WASF1: variants seen among roughly 807,000 people sequenced by gnomAD.
The protein encoded by WASF1 is WASP family member 1, also known as actin-binding protein WASF1.
Under a neutral mutation model 50.5 loss-of-function variants are expected in WASF1, and 7 were observed. The ratio of observed to expected loss-of-function variants is 0.14; its 90% confidence interval spans 0.08 to 0.26. The LOEUF (loss-of-function observed/expected upper bound fraction) is 0.26. WASF1 is among the 10% of genes least tolerant of loss of function. The pLI, the probability that WASF1 is intolerant of heterozygous loss-of-function variation, is 1.00. For synonymous variants in WASF1, 205 were observed against 244.0 expected, an observed-to-expected ratio of 0.84 and a Z score of 1.49; for missense variants, 470 against 694.7, an observed-to-expected ratio of 0.68 and a Z score of 3.64.
At chr6:110,142,952 T>TAAAAAAAAAAAAAAAAAAAAAAA (rs5879060) in intron 3 of WASF1, among the ~76,000 whole-genome samples, 15 of 119,138 alleles carry the variant, frequency 1.3e-4, no homozygotes, top group East Asian at 5.1e-4. Context: ...CCCAATGATG[T>TAAAAAAAAAAAAAAAAAAAAAAA]AAAAAAAAAA....
chr6:110,171,279 T>G (rs1398300814), intron 2 of WASF1, among the ~76,000 whole-genome samples: 1 of 152,152 alleles, frequency 6.6e-6, no homozygotes, highest in African/African-American at 2.4e-5. Context: ...CTCAGAAAGA[T>G]AGATGGGAAA....
chr6:110,165,672 C>T (rs1383270064), intron 2 of WASF1, among the ~76,000 whole-genome samples: 1 of 151,652 alleles, frequency 6.6e-6, no homozygotes, highest in East Asian at 1.9e-4. Context: ...TATATTGTTA[C>T]ATAAAGCAAA....
At chr6:110,112,175 G>A (rs1433316571) in intron 5 of WASF1, among the ~76,000 whole-genome samples, 1 of 151,088 alleles carries the variant, frequency 6.6e-6, no homozygotes, top group Non-Finnish European at 1.5e-5. Context: ...TATTGTTAAA[G>A]TTTAGATCTA....
At chr6:110,135,608 T>A (rs960396095) in intron 3 of WASF1, among the ~76,000 whole-genome samples, 5 of 152,086 alleles carry the variant, frequency 3.3e-5, no homozygotes, top group Admixed American at 6.6e-5. Context: ...CTACCCATGA[T>A]CTTATTCTCC....
chr6:110,127,683 G>A, intron 3 of WASF1, 54 bp from the exon 4 acceptor site: 1 of 1,384,326 alleles, frequency 7.2e-7, no homozygotes, highest in African/African-American at 1.5e-5. Flanking sequence ...AACACAGAAT[G>A]AGACTTTATT....
chr6:110,106,958 T>A, intron 7 of WASF1, 119 bp downstream of exon 7: 1 of 722,822 alleles, frequency 1.4e-6, no homozygotes, highest in Admixed American at 2.9e-5. Flanking sequence ...ACTTCAGTAT[T>A]TAACTATATG....
intron 3 of WASF1, among the ~76,000 whole-genome samples, chr6:110,154,375 T>C (rs926310255): frequency 6.6e-6 from 1 of 152,088 alleles, no homozygotes; most frequent in African/African-American, 2.4e-5. Flanking sequence ...ATGAAGCAAG[T>C]AATTTATTGA....
At chr6:110,145,178 C>T (rs1775495260) in intron 3 of WASF1, among the ~76,000 whole-genome samples, 1 of 152,024 alleles carries the variant, frequency 6.6e-6, no homozygotes, top group Admixed American at 6.6e-5. Flanking sequence ...CCTTCACATC[C>T]CTTGCAAGTT....
intron 3 of WASF1, among the ~76,000 whole-genome samples, chr6:110,132,646 G>C (rs1235165838): frequency 6.6e-6 from 1 of 151,816 alleles, no homozygotes; most frequent in Non-Finnish European, 1.5e-5. Flanking sequence ...CCCAAGCAGG[G>C]AACACTGTAC....
chr6:110,133,586 G>A (rs1002729882), intron 3 of WASF1, among the ~76,000 whole-genome samples: 2 of 152,050 alleles, frequency 1.3e-5, no homozygotes, highest in Admixed American at 1.3e-4. Context: ...GGCCATTCTT[G>A]CAGGAGCAAG....
intron 4 of WASF1, among the ~76,000 whole-genome samples, chr6:110,116,789 T>A (rs1396490681): frequency 6.6e-6 from 1 of 151,996 alleles, no homozygotes; most frequent in Non-Finnish European, 1.5e-5. Context: ...AACAGACACC[T>A]CAAACAGGTG....
At chr6:110,151,863 G>A (rs1361003875) in intron 3 of WASF1, among the ~76,000 whole-genome samples, 1 of 152,094 alleles carries the variant, frequency 6.6e-6, no homozygotes, top group African/African-American at 2.4e-5. Flanking sequence ...AATCAAATCA[G>A]TGAGAAAAAT....
chr6:110,155,197 A>G (rs1253931286), intron 3 of WASF1, among the ~76,000 whole-genome samples: 2 of 152,098 alleles, frequency 1.3e-5, no homozygotes, highest in East Asian at 3.9e-4. Flanking sequence ...CAGGGCTCTT[A>G]CTAATTCAGT....
Position 110,100,768 on chromosome 6 carries a change from T to A in WASF1, c.1523-89A>T, listed in dbSNP as rs1583914194. On this transcript the variant is annotated intron_variant, in intron 10 of 10. Transcript: ENST00000392589. ...TTTCTGGAATAAAATCAAATACACA[T>A]GAGAAATACTTATAGGAAAATAAAA... is the stretch of plus-strand genomic sequence containing the variant. 3.2e-6 allele frequency: 4 copies of A among 1,260,156 alleles called. No individual in the cohort carries two copies. In the East Asian group the frequency reaches 8.4e-5, roughly 27 times the overall value. The allele number at this position is 1,260,156 out of a possible 1,614,324, so 78.1% of individuals were successfully genotyped here.
chr6:110,148,245 A>G (rs867675500), intron 3 of WASF1, among the ~76,000 whole-genome samples: 1 of 152,042 alleles, frequency 6.6e-6, no homozygotes. Context: ...CCATTCATTC[A>G]TTCATCTAAC....
chr6:110,177,347 T>A (rs1293829536), intron 2 of WASF1, among the ~76,000 whole-genome samples: 1 of 152,084 alleles, frequency 6.6e-6, no homozygotes. Flanking sequence ...GTAATAACCT[T>A]TATGTCTGCA....
At chr6:110,134,014 C>T (rs1029973749) in intron 3 of WASF1, among the ~76,000 whole-genome samples, 10 of 152,090 alleles carry the variant, frequency 6.6e-5, no homozygotes, top group South Asian at 2.1e-4. Flanking sequence ...GACAGAATCT[C>T]GCTCTGTTGC....
Position 110,124,274 on chromosome 6 carries a change from C to CTATATATA in WASF1, c.133+3187_133+3194dup, listed in dbSNP as rs35703116. 6.3e-3 allele frequency among the ~76,000 whole-genome samples: 130 copies of CTATATATA among 20,498 alleles called. 4 individuals carry two copies. The highest frequency in any genetic ancestry group is 7.1e-3 in the Non-Finnish European group (93 of 13,160). 13.4% of individuals were successfully genotyped at this position (20,498 alleles called of 152,430 possible). A position where few individuals can be genotyped will look rare whatever the true frequency, so the allele number is the denominator to read the frequency against. ...TCTCTCTCTCTCTCTCTCTCTCTCT[C>CTATATATA]TATATATATATATATATATATATAT... On this transcript the variant is annotated intron_variant, in intron 4 of 10. Transcript: ENST00000392589.
chr6:110,100,433 A>G lies in WASF1; in HGVS notation c.*89T>C, dbSNP rs1429147963. On this transcript the variant is annotated 3_prime_UTR_variant, in exon 11 of 11. Coordinates refer to ENST00000392589, the MANE Select transcript of WASF1 (RefSeq NM_003931.3). ...CATTTATTATAAGGAAAAGAAAGCA[A>G]AACACTAGAATGACCAAACATTTTC... The G allele has an allele frequency of 1.3e-5, 17 of 1,269,948 alleles. No homozygotes were observed. Among genetic ancestry groups the G allele is most frequent in the Non-Finnish European group, 1.7e-5 (16 of 962,444 alleles). 78.7% of individuals were successfully genotyped at this position (1,269,948 alleles called of 1,614,324 possible).
Sources: gnomAD v4.1 joint callset for allele counts (sites outside exome capture counted in the v4.1 genomes callset) on GRCh38, gnomAD v4.1.1 for gene constraint, MANE v1.5 for transcripts, NCBI Gene and HGNC (gene_info 2026-07-23, HGNC 2026-07-21) for gene names.